The following ADAR variants were observed in gnomAD, a reference collection of about 807,000 sequenced individuals.
ADAR encodes the protein double-stranded RNA-specific adenosine deaminase.
A neutral mutation model predicts 113.2 loss-of-function variants in ADAR; 41 were observed. That is an observed-to-expected ratio of 0.36 (90% confidence interval 0.28 to 0.47). ADAR has a LOEUF of 0.47. ADAR is among the 20% of genes least tolerant of loss of function. The probability of loss-of-function intolerance (pLI) is 1.00; values close to 1 mark genes in which losing one functional copy is unlikely to be tolerated. For synonymous variants in ADAR, 605 were observed against 572.6 expected, an observed-to-expected ratio of 1.06 and a Z score of -0.81; for missense variants, 1,242 against 1,540.9, an observed-to-expected ratio of 0.81 and a Z score of 3.25.
At chr1:154,599,282 GATTTC>G (rs1250421832) in intron 2 of ADAR, among the ~76,000 whole-genome samples, 2 of 152,192 alleles carry the variant, frequency 1.3e-5, no homozygotes, top group African/African-American at 4.8e-5. Context: ...CTCAGTCTGG[GATTTC>G]ATTTAGAAAA....
chr1:154,587,808 T>C (rs1187198572), intron 11 of ADAR, among the ~76,000 whole-genome samples: 1 of 152,150 alleles, frequency 6.6e-6, no homozygotes, highest in Admixed American at 6.5e-5. Context: ...TCCTATGCAT[T>C]CTCATGGCCA....
At chr1:154,600,592 G>A in intron 2 of ADAR, 1 of 221,666 alleles carries the variant, frequency 4.5e-6, no homozygotes, top group East Asian at 1.1e-4. Context: ...TCCTGTCTCA[G>A]CTTCCTGAGT....
chr1:154,588,070 C>G, intron 11 of ADAR, 55 bp downstream of exon 11: 2 of 1,609,752 alleles, frequency 1.2e-6, no homozygotes, highest in Admixed American at 3.3e-5. Flanking sequence ...GACTTGGGGT[C>G]CCTGGACCTT....
chr1:154,611,871 T>A (rs1698497074), upstream of ADAR, among the ~76,000 whole-genome samples: 1 of 152,236 alleles, frequency 6.6e-6, no homozygotes, highest in Non-Finnish European at 1.5e-5. Flanking sequence ...GGCTTCCACA[T>A]AGCAGTGCCA....
In ADAR at chr1:154,582,193, T is replaced by G. The variant is rs1395717038; in HGVS notation, c.*2613A>C. The G allele has an allele frequency of 6.6e-6, 1 of 152,472 alleles. No individual in the cohort carries two copies. Among genetic ancestry groups the G allele is most frequent in the African/African-American group, 2.4e-5 (1 of 41,396 alleles). The allele number at this position is 152,472 out of a possible 1,614,324, so 9.4% of individuals were successfully genotyped here. On this transcript the variant is annotated 3_prime_UTR_variant, in exon 15 of 15. Transcript: ENST00000368474. ...ATCATCACAGTACCCGAGTCTATGC[T>G]TGGGGGTCTTCCTCACTCTGCTCTT...
intron 1 of ADAR, among the ~76,000 whole-genome samples, chr1:154,605,477 A>G (rs1471711576): frequency 1.3e-5 from 2 of 151,024 alleles, no homozygotes. Context: ...GCAGTGTCTG[A>G]AAGGTAATTA....
chr1:154,607,633 C>A (rs535486754), intron 1 of ADAR, among the ~76,000 whole-genome samples: 1 of 152,260 alleles, frequency 6.6e-6, no homozygotes, highest in East Asian at 1.9e-4. Flanking sequence ...TTCCCCCAAG[C>A]CCTCTTCACG....
intron 11 of ADAR, 147 bp from the exon 12 acceptor site, chr1:154,586,510 A>AG: frequency 2.3e-6 from 2 of 864,442 alleles, no homozygotes; most frequent in Non-Finnish European, 3.7e-6. Context: ...GCCAGGCACT[A>AG]TGCTTGGTGC....
At chr1:154,625,632 G>A (rs900251504) in intron 1 of ADAR, among the ~76,000 whole-genome samples, 2 of 152,312 alleles carry the variant, frequency 1.3e-5, no homozygotes, top group South Asian at 2.1e-4. Flanking sequence ...GCCTAAGTGC[G>A]CAGATCACTT....
intron 1 of ADAR, among the ~76,000 whole-genome samples, chr1:154,603,277 G>A (rs1697999875): frequency 6.6e-6 from 1 of 152,216 alleles, no homozygotes; most frequent in African/African-American, 2.4e-5. Context: ...AAGGCCACGG[G>A]ACCTCAGAGT....
At chr1:154,607,237 C>G (rs1382395582) in intron 1 of ADAR, among the ~76,000 whole-genome samples, 1 of 152,066 alleles carries the variant, frequency 6.6e-6, no homozygotes, top group African/African-American at 2.4e-5. Context: ...TCTGGCTTCT[C>G]GTGCTTAGCA....
intron 11 of ADAR, 68 bp from the exon 12 acceptor site, chr1:154,586,431 A>T (rs1273827608): frequency 6.6e-7 from 1 of 1,506,430 alleles, no homozygotes; most frequent in African/African-American, 1.4e-5. Context: ...CGTGGTTTCT[A>T]TCCTCCTTAA....
chr1:154,606,583 G>A (rs1349947835), intron 1 of ADAR, among the ~76,000 whole-genome samples: 2 of 152,094 alleles, frequency 1.3e-5, no homozygotes, highest in East Asian at 3.8e-4. Context: ...GGGAGAGGAG[G>A]AGATTATTAA....
At chr1:154,605,305 TC>T (rs1450522912) in intron 1 of ADAR, among the ~76,000 whole-genome samples, 1 of 152,162 alleles carries the variant, frequency 6.6e-6, no homozygotes. Context: ...CTTATAGAGC[TC>T]CTTAAATGCC....
Position 154,590,804 on chromosome 1 carries a change from T to A in ADAR, c.2271-395A>T, listed in dbSNP as rs112173825. ...TGTCTCTTAAAAAAAAAAAAAAAAA[T>A]TTAGCTGGGCACGGTGGTCTGTGCC... On this transcript the variant is annotated intron_variant, in intron 6 of 14. Transcript: ENST00000368474. Among the ~76,000 whole-genome samples, 341 of 56,460 alleles carry A rather than the reference T, an allele frequency of 6.0e-3. 1 individual carries two copies. The East Asian group carries it at 0.066, about 11-fold the overall frequency. 37.0% of individuals were successfully genotyped at this position (56,460 alleles called of 152,430 possible). A position where few individuals can be genotyped will look rare whatever the true frequency, so the allele number is the denominator to read the frequency against.
chr1:154,587,588 T>C (rs967676351), intron 11 of ADAR, among the ~76,000 whole-genome samples: 3 of 152,174 alleles, frequency 2.0e-5, no homozygotes. Flanking sequence ...ACCACCATGA[T>C]GACTGCTGAC....
Position 154,583,111 on chromosome 1 carries a change from G to A in ADAR, c.*1695C>T, listed in dbSNP as rs893797051. 3.3e-5 allele frequency: 5 copies of A among 152,234 alleles called. No homozygotes were observed. The South Asian group carries it at 6.2e-4, about 19-fold the overall frequency. The allele number at this position is 152,234 out of a possible 1,614,324, so 9.4% of individuals were successfully genotyped here. A position where few individuals can be genotyped will look rare whatever the true frequency, so the allele number is the denominator to read the frequency against. On this transcript the variant is annotated 3_prime_UTR_variant, in exon 15 of 15. Transcript: ENST00000368474. ...TCATCTGAGGGTGCTGGCTCAGCAC[G>A]TTCCCAGATGAAGGTCTGTCATCTA...
At chr1:154,598,718 A>G in intron 2 of ADAR, 133 bp from the exon 3 acceptor site, 2 of 880,884 alleles carry the variant, frequency 2.3e-6, no homozygotes, top group Admixed American at 1.9e-5. Flanking sequence ...GGGTAGGCCA[A>G]GGAACTCCTT....
At chr1:154,617,804 A>AAT (rs1281590868) in intron 1 of ADAR, among the ~76,000 whole-genome samples, 1 of 152,094 alleles carries the variant, frequency 6.6e-6, no homozygotes, top group Non-Finnish European at 1.5e-5. Context: ...ACACATGTTA[A>AAT]ATATATATAT....
Sources: allele counts gnomAD v4.1 joint callset (sites outside exome capture counted in the v4.1 genomes callset), GRCh38; gene constraint gnomAD v4.1.1; transcripts MANE v1.5; gene names NCBI Gene and HGNC (gene_info 2026-07-23, HGNC 2026-07-21).